CNBD1: variants seen among roughly 807,000 people sequenced by gnomAD.
CNBD1 encodes cyclic nucleotide binding domain containing 1.
A neutral mutation model predicts 54.4 loss-of-function variants in CNBD1; 71 were observed. The ratio of observed to expected loss-of-function variants is 1.30; its 90% confidence interval spans 1.08 to 1.59. CNBD1 has a LOEUF of 1.59. Ranked by LOEUF, CNBD1 falls within the 40% of genes most tolerant of loss-of-function variation. CNBD1 has a pLI of 0.00. For missense variants in CNBD1, 659 were observed against 518.0 expected (o/e 1.27, Z -2.64); for synonymous variants, 182 against 170.7 (o/e 1.07, Z -0.51).
Position 87,353,704 on chromosome 8 carries a change from C to A in CNBD1, c.1221C>A (p.Val407=). ...KEKESFGEIS[V]LLQVPFTCTI... Reference sequence around the variant, plus strand: ...AGGAGTCCTTTGGTGAGATTAGCGTCCTTCTTCAAGTTCCTTTCACGTGCA... The same window carrying A: ...AGGAGTCCTTTGGTGAGATTAGCGTACTTCTTCAAGTTCCTTTCACGTGCA... Residue 407 remains valine, a synonymous_variant, in exon 10 of 11, where the codon GTC becomes GTA. Transcript: ENST00000518476. 6.2e-7 allele frequency: 1 copy of A among 1,610,972 alleles called. No homozygotes were observed.
At chr8:87,401,392 G>A (rs1450321817) in intron 2 of CNBD1, among the ~76,000 whole-genome samples, 4 of 151,958 alleles carry the variant, frequency 2.6e-5, no homozygotes, top group Non-Finnish European at 5.9e-5. Flanking sequence ...AAAGGAAAAG[G>A]GGCAAAAGTT....
chr8:87,395,360 G>A (rs1489480988), intron 2 of CNBD1, among the ~76,000 whole-genome samples: 2 of 151,890 alleles, frequency 1.3e-5, no homozygotes, highest in East Asian at 1.9e-4. Context: ...TAGAACACAA[G>A]TTATGGAGAA....
chr8:86,964,388 G>C (rs79367867), intron 4 of CNBD1, among the ~76,000 whole-genome samples: 3,054 of 152,152 alleles, frequency 0.02, 100 homozygotes, highest in African/African-American at 0.07. Flanking sequence ...CCCTTCCCTG[G>C]TCCTATATAA....
At chr8:86,889,289 G>C (rs1808730337) in intron 2 of CNBD1, among the ~76,000 whole-genome samples, 2 of 152,060 alleles carry the variant, frequency 1.3e-5, no homozygotes, top group Non-Finnish European at 2.9e-5. Context: ...ATTAATAAAA[G>C]CTTGGAAGTT....
intron 2 of CNBD1, among the ~76,000 whole-genome samples, chr8:86,892,349 T>A (rs1202301743): frequency 6.6e-6 from 1 of 152,104 alleles, no homozygotes; most frequent in South Asian, 2.1e-4. Flanking sequence ...CCAAAGTCCA[T>A]TTATAAATTA....
In CNBD1 at chr8:86,887,474, C is replaced by G. The variant is rs1483547095; in HGVS notation, c.89-68C>G. 15 of 959,862 alleles carry G rather than the reference C, an allele frequency of 1.6e-5. 1 individual carries two copies. 59.5% of individuals were successfully genotyped at this position (959,862 alleles called of 1,614,324 possible). A position where few individuals can be genotyped will look rare whatever the true frequency, so the allele number is the denominator to read the frequency against. Reference sequence around the variant, plus strand: ...ACTATGATGAATGTTTGCAATTAAACTCTATTTACACACTTGCTTAATAAG... The same window carrying G: ...ACTATGATGAATGTTTGCAATTAAAGTCTATTTACACACTTGCTTAATAAG... On this transcript the variant is annotated intron_variant, in intron 1 of 10. Coordinates refer to ENST00000518476, the MANE Select transcript of CNBD1 (RefSeq NM_173538.3).
intron 4 of CNBD1, among the ~76,000 whole-genome samples, chr8:86,965,755 G>C (rs1040849724): frequency 6.6e-6 from 1 of 152,142 alleles, no homozygotes; most frequent in Non-Finnish European, 1.5e-5. Flanking sequence ...ATGAAGACAA[G>C]CGAAGGGTGA....
chr8:87,013,853 T>C (rs1411542481), intron 4 of CNBD1, among the ~76,000 whole-genome samples: 1 of 152,020 alleles, frequency 6.6e-6, no homozygotes, highest in Non-Finnish European at 1.5e-5. Flanking sequence ...TACCTTATCA[T>C]GTAAATTTTG....
chr8:86,967,220 A>G (rs976751848), intron 4 of CNBD1, among the ~76,000 whole-genome samples: 14 of 152,194 alleles, frequency 9.2e-5, no homozygotes, highest in African/African-American at 3.4e-4. Context: ...TAAGCTGCAG[A>G]GACACCTGGT....
At chr8:87,339,341 C>A (rs957108059) in intron 8 of CNBD1, among the ~76,000 whole-genome samples, 5 of 136,422 alleles carry the variant, frequency 3.7e-5, no homozygotes, top group African/African-American at 1.3e-4. Flanking sequence ...CAAGCTCCAA[C>A]AATTTGTCAG....
chr8:87,057,565 A>T (rs1445017678), intron 4 of CNBD1, among the ~76,000 whole-genome samples: 2 of 152,136 alleles, frequency 1.3e-5, no homozygotes, highest in Non-Finnish European at 2.9e-5. Flanking sequence ...AAACACAATC[A>T]TGGTTGGGCG....
intron 4 of CNBD1, among the ~76,000 whole-genome samples, chr8:87,100,524 G>C (rs1403626490): frequency 6.6e-6 from 1 of 152,124 alleles, no homozygotes; most frequent in Non-Finnish European, 1.5e-5. Flanking sequence ...CATTGCCGGG[G>C]CTGGAGTGCA....
At chr8:87,057,960 A>G (rs1370619633) in intron 4 of CNBD1, among the ~76,000 whole-genome samples, 1 of 152,190 alleles carries the variant, frequency 6.6e-6, no homozygotes. Flanking sequence ...TCAAAGTGTC[A>G]TTTAAGACAA....
At chr8:87,218,595 A>G (rs550087275) in intron 5 of CNBD1, among the ~76,000 whole-genome samples, 36 of 152,188 alleles carry the variant, frequency 2.4e-4, no homozygotes, top group African/African-American at 8.2e-4. Flanking sequence ...TGGGAGAAAT[A>G]TATTCAATGT....
At chr8:87,139,971 T>C (rs1430118746) in intron 4 of CNBD1, among the ~76,000 whole-genome samples, 2 of 152,146 alleles carry the variant, frequency 1.3e-5, no homozygotes, top group African/African-American at 4.8e-5. Context: ...AAAGTTACAT[T>C]TGCAGTTCTG....
chr8:86,971,374 G>C (rs1462903523), intron 4 of CNBD1, among the ~76,000 whole-genome samples: 2 of 152,118 alleles, frequency 1.3e-5, no homozygotes, highest in Admixed American at 6.6e-5. Flanking sequence ...CTCCCACCAG[G>C]TACCTCAACA....
intron 8 of CNBD1, among the ~76,000 whole-genome samples, chr8:87,298,005 CAT>C (rs1271590674): frequency 1.3e-5 from 2 of 151,278 alleles, no homozygotes; most frequent in African/African-American, 2.4e-5. Context: ...TAGACATTAA[CAT>C]ATTAATAAGA....
intron 5 of CNBD1, among the ~76,000 whole-genome samples, chr8:87,209,822 G>A (rs1257565210): frequency 6.6e-6 from 1 of 152,156 alleles, no homozygotes; most frequent in Non-Finnish European, 1.5e-5. Flanking sequence ...CATAAAAACA[G>A]ATATGTTGAT....
chr8:87,162,623 T>TA (rs1216132546), intron 4 of CNBD1, among the ~76,000 whole-genome samples: 1 of 152,096 alleles, frequency 6.6e-6, no homozygotes, highest in Non-Finnish European at 1.5e-5. Context: ...GGATAATTTG[T>TA]AAAAAACATA....
Sources: allele counts gnomAD v4.1 joint callset (sites outside exome capture counted in the v4.1 genomes callset), GRCh38; gene constraint gnomAD v4.1.1; transcripts MANE v1.5; gene names NCBI Gene and HGNC (gene_info 2026-07-23, HGNC 2026-07-21).